The following DNAJB1 variants were observed in gnomAD, a reference collection of about 807,000 sequenced individuals.
DNAJB1 encodes dnaJ homolog subfamily B member 1.
DNAJB1 carries 14 observed loss-of-function variants against 24.0 expected under a neutral mutation model. The observed-to-expected ratio is 0.58, with a 90% CI of 0.39 to 0.91. The LOEUF is 0.91. Ranked by LOEUF, DNAJB1 falls within the 40% of genes least tolerant of loss-of-function variation. The pLI is 0.00. For missense variants in DNAJB1, 517 were observed against 458.1 expected, an observed-to-expected ratio of 1.13 and a Z score of -1.17; for synonymous variants, 262 against 174.4, an observed-to-expected ratio of 1.50 and a Z score of -3.96.
chr19:14,521,456 AAATAATAAT>A (rs111596555), upstream of DNAJB1, among the ~76,000 whole-genome samples: 470 of 143,118 alleles, frequency 3.3e-3, 4 homozygotes, highest in African/African-American at 0.011. Flanking sequence ...GAGAGTTTCA[AAATAATAAT>A]AATAATAATA....
At chr19:14,534,893 CCA>C (rs1242322827) in intron 1 of DNAJB1, among the ~76,000 whole-genome samples, 5 of 152,206 alleles carry the variant, frequency 3.3e-5, no homozygotes, top group South Asian at 2.1e-4. Context: ...CCAGTTTTGT[CCA>C]CACTGATGGC....
intron 1 of DNAJB1, chr19:14,545,749 G>C (rs2073285754): frequency 1.3e-5 from 2 of 156,596 alleles, no homozygotes; most frequent in Admixed American, 1.3e-4. Flanking sequence ...ACACGGTTGA[G>C]CCCTTTGTAG....
chr19:14,529,864 T>A (rs926172474), upstream of DNAJB1: 2 of 1,048,976 alleles, frequency 1.9e-6, no homozygotes, highest in African/African-American at 1.6e-5. Context: ...CCCGGGCCAC[T>A]CGTAAATTCC....
rs2072279877 is a variant in DNAJB1 at position 14,517,063 on chromosome 19, G to GAAGC, written c.212-21_212-18dup. 1 of 1,589,226 alleles carries GAAGC rather than the reference G, an allele frequency of 6.3e-7. No homozygotes were observed. Among genetic ancestry groups the GAAGC allele is most frequent in the African/African-American group, 1.3e-5 (1 of 74,334 alleles). ...CCTTTAGGCCTGAAAAGCAGATTTA[G>GAAGC]AAGCAGTCAGATGGCTGAACAGCAG... On this transcript the variant is annotated splice_polypyrimidine_tract_variant and intron_variant, in intron 1 of 2. Transcript: ENST00000254322.
rs2072316937 is a variant in DNAJB1 at position 14,518,389 on chromosome 19, C to T, written c.-40G>A. On this transcript the variant is annotated 5_prime_UTR_variant, in exon 1 of 3. Coordinates refer to ENST00000254322, the MANE Select transcript of DNAJB1 (RefSeq NM_006145.3). ...GCCCGCCGACCCGCTGTCGCCGTCC[C>T]CCGGCTCCGCCGCCGACCAGTCCCG... 6 of 1,515,778 alleles carry T rather than the reference C, an allele frequency of 4.0e-6. No homozygotes were observed. In the South Asian group the frequency reaches 5.1e-5, roughly 13 times the overall value. The allele number at this position is 1,515,778 out of a possible 1,614,324, so 93.9% of individuals were successfully genotyped here. A position where few individuals can be genotyped will look rare whatever the true frequency, so the allele number is the denominator to read the frequency against.
At chr19:14,534,130 C>CT (rs574085204), upstream of DNAJB1, 601 of 144,252 alleles carry the variant, frequency 4.2e-3, 3 homozygotes, top group Admixed American at 8.0e-3. Flanking sequence ...TGTTTTCTTT[C>CT]TTTTTTTTTT....
At chr19:14,553,918 C>T (rs1426738838), upstream of DNAJB1, among the ~76,000 whole-genome samples, 1 of 152,146 alleles carries the variant, frequency 6.6e-6, no homozygotes, top group Admixed American at 6.5e-5. Context: ...GTTGCACTGA[C>T]CAGGGCTCGC....
intron 1 of DNAJB1, 160 bp downstream of exon 1, chr19:14,517,979 C>A: frequency 1.4e-6 from 1 of 726,944 alleles, no homozygotes; most frequent in South Asian, 3.0e-5. Context: ...CACCGCGCGG[C>A]CGCCAATCCG....
At chr19:14,540,970 G>A (rs10402557) in intron 1 of DNAJB1, among the ~76,000 whole-genome samples, 1,529 of 152,016 alleles carry the variant, frequency 0.01, 15 homozygotes, top group South Asian at 0.049. Context: ...GAGTAACTGG[G>A]ACTACAGGCC....
At chr19:14,549,519 G>T (rs2073422349) in intron 1 of DNAJB1, among the ~76,000 whole-genome samples, 1 of 151,986 alleles carries the variant, frequency 6.6e-6, no homozygotes, top group Admixed American at 6.6e-5. Flanking sequence ...AGAGATAAGG[G>T]TCTTACTATG....
upstream of DNAJB1, chr19:14,530,530 G>A (rs972696959): frequency 1.8e-4 from 28 of 152,160 alleles, no homozygotes; most frequent in Admixed American, 1.8e-3. Flanking sequence ...GCTTACTCTT[G>A]TGCTGGTGAG....
At chr19:14,520,034 C>T (rs549855803), upstream of DNAJB1, among the ~76,000 whole-genome samples, 2 of 152,270 alleles carry the variant, frequency 1.3e-5, no homozygotes, top group East Asian at 3.9e-4. Flanking sequence ...CAGCATTTCC[C>T]GGCTGGGTAA....
intron 1 of DNAJB1, among the ~76,000 whole-genome samples, chr19:14,558,151 T>TG (rs1311204414): frequency 1.6e-4 from 25 of 152,252 alleles, no homozygotes; most frequent in South Asian, 4.1e-4. Flanking sequence ...CATGAGTAGA[T>TG]GGAAGTTCAG....
intron 1 of DNAJB1, among the ~76,000 whole-genome samples, chr19:14,549,817 C>T (rs2073431635): frequency 6.6e-6 from 1 of 151,942 alleles, no homozygotes; most frequent in South Asian, 2.1e-4. Context: ...GTGGCATGCA[C>T]CCGTAATCCC....
upstream of DNAJB1, among the ~76,000 whole-genome samples, chr19:14,551,858 T>A (rs2073520104): frequency 6.6e-6 from 1 of 151,824 alleles, no homozygotes; most frequent in Admixed American, 6.6e-5. Context: ...TTACCCTTAT[T>A]TCTTTATTTC....
At chr19:14,552,221 T>A (rs1388114437), upstream of DNAJB1, among the ~76,000 whole-genome samples, 4 of 148,216 alleles carry the variant, frequency 2.7e-5, no homozygotes, top group African/African-American at 7.5e-5. Flanking sequence ...CAGGCTGGAG[T>A]GCAGTGGTGC....
upstream of DNAJB1, among the ~76,000 whole-genome samples, chr19:14,519,790 C>T (rs991305349): frequency 1.3e-5 from 2 of 152,198 alleles, no homozygotes; most frequent in African/African-American, 4.8e-5. Flanking sequence ...AGGTGTGTCA[C>T]ACACCTTTCA....
chr19:14,549,329 C>T (rs1045456453), intron 1 of DNAJB1, among the ~76,000 whole-genome samples: 3 of 150,776 alleles, frequency 2.0e-5, no homozygotes, highest in African/African-American at 7.3e-5. Flanking sequence ...TCTCCTGCCT[C>T]AGCCTCCCAA....
At chr19:14,539,260 C>T (rs1388312303) in intron 1 of DNAJB1, among the ~76,000 whole-genome samples, 1 of 147,976 alleles carries the variant, frequency 6.8e-6, no homozygotes, top group Admixed American at 6.9e-5. Context: ...TCCCAAAGTA[C>T]TGGGATTACA....
Sources: allele counts gnomAD v4.1 joint callset (sites outside exome capture counted in the v4.1 genomes callset), GRCh38; gene constraint gnomAD v4.1.1; transcripts MANE v1.5; gene names NCBI Gene and HGNC (gene_info 2026-07-23, HGNC 2026-07-21).